Variants in KALRN observed in about 807,000 individuals in gnomAD.
KALRN encodes kalirin.
KALRN carries 70 observed loss-of-function variants against 353.7 expected under a neutral mutation model. That is an observed-to-expected ratio of 0.20 (90% CI 0.16 to 0.24). KALRN has a LOEUF of 0.24. Among genes scored for constraint, KALRN ranks in the 10% least tolerant of loss-of-function variants. The pLI is 1.00. For missense variants in KALRN, 2,791 were observed against 3,756.7 expected, an observed-to-expected ratio of 0.74 and a Z score of 6.72; for synonymous variants, 1,391 against 1,434.8, an observed-to-expected ratio of 0.97 and a Z score of 0.69.
rs1049493983 is a variant in KALRN, at chr3:124,721,250, T to A, written c.*1780T>A. ...CCTCATCCCATCCAAGATTATAGATTGATAAATTAATGGAAAGTATAAGCA... is the reference window on the plus strand; with the variant it reads ...CCTCATCCCATCCAAGATTATAGATAGATAAATTAATGGAAAGTATAAGCA... On this transcript the variant is annotated 3_prime_UTR_variant, in exon 60 of 60. Coordinates refer to ENST00000682506, the MANE Select transcript of KALRN (RefSeq NM_001388419.1). 1.3e-5 allele frequency: 2 copies of A among 152,164 alleles called. No homozygotes were observed. 9.4% of individuals were successfully genotyped at this position (152,164 alleles called of 1,614,324 possible). A position where few individuals can be genotyped will look rare whatever the true frequency, so the allele number is the denominator to read the frequency against.
At chr3:124,275,992 T>A (rs187420568) in intron 5 of KALRN, among the ~76,000 whole-genome samples, 37 of 152,308 alleles carry the variant, frequency 2.4e-4, no homozygotes, top group Non-Finnish European at 4.4e-5. Flanking sequence ...AAAGTGATTC[T>A]TCCTGGTGTC....
chr3:124,410,240 T>C (rs757900165), intron 13 of KALRN: 1 of 533,370 alleles, frequency 1.9e-6, no homozygotes, highest in Non-Finnish European at 3.8e-6. Flanking sequence ...CATAGATTCC[T>C]GGCTATGGGA....
chr3:124,174,761 A>AT (rs1172246683), intron 1 of KALRN, among the ~76,000 whole-genome samples: 1 of 152,228 alleles, frequency 6.6e-6, no homozygotes, highest in Admixed American at 6.5e-5. Flanking sequence ...AATGGAGCAT[A>AT]TCCAGAGAAG....
chr3:124,716,210 C>G (rs2063125997), intron 58 of KALRN, among the ~76,000 whole-genome samples: 1 of 152,054 alleles, frequency 6.6e-6, no homozygotes, highest in Non-Finnish European at 1.5e-5. Context: ...GAAAAGTTGC[C>G]CAGAAGGCAA....
At chr3:124,267,059 G>C (rs1170870379) in intron 4 of KALRN, among the ~76,000 whole-genome samples, 1 of 152,118 alleles carries the variant, frequency 6.6e-6, no homozygotes, top group Non-Finnish European at 1.5e-5. Flanking sequence ...AGATAGCTGG[G>C]GGCCTCCCAA....
chr3:124,645,571 T>G (rs1413870819), intron 37 of KALRN, among the ~76,000 whole-genome samples: 1 of 152,138 alleles, frequency 6.6e-6, no homozygotes, highest in East Asian at 1.9e-4. Context: ...CCCAACACCA[T>G]TTATTACATA....
chr3:124,550,359 A>C (rs2070329216), intron 33 of KALRN, among the ~76,000 whole-genome samples: 1 of 152,110 alleles, frequency 6.6e-6, no homozygotes. Flanking sequence ...CTGGGCCCCG[A>C]TGCTACCTAG....
intron 1 of KALRN, among the ~76,000 whole-genome samples, chr3:124,223,153 G>A (rs2078104140): frequency 6.6e-6 from 1 of 151,544 alleles, no homozygotes; most frequent in African/African-American, 2.4e-5. Flanking sequence ...CTGCTTGGAA[G>A]CCCCCTTGGA....
chr3:124,393,229 G>T (rs1378760511), intron 11 of KALRN, among the ~76,000 whole-genome samples: 1 of 152,192 alleles, frequency 6.6e-6, no homozygotes, highest in Non-Finnish European at 1.5e-5. Flanking sequence ...GCCTCCCAAA[G>T]TGTTGGGATT....
Position 124,671,670 on chromosome 3 carries a change from G to T in KALRN, c.6714G>T (p.Ser2238=), listed in dbSNP as rs369107575. 1.2e-6 allele frequency: 2 copies of T among 1,611,244 alleles called. No individual in the cohort carries two copies. Among genetic ancestry groups the T allele is most frequent in the Admixed American group, 1.7e-5 (1 of 59,990 alleles). ...GCTCTTATCCCACAGCACTGCAATCGCCCATTGAGTATCAACGGAAAGAAA... is the reference window on the plus strand; with the variant it reads ...GCTCTTATCCCACAGCACTGCAATCTCCCATTGAGTATCAACGGAAAGAAA... ...TQRDFLNALQ[S]PIEYQRKERS... is the part of the protein sequence containing the mutation. Residue 2238 remains serine (S), a synonymous_variant, in exon 48 of 60, where the codon TCG becomes TCT. Coordinates refer to ENST00000682506, the MANE Select transcript of KALRN (RefSeq NM_001388419.1).
At chr3:124,611,989 T>C (rs2078031435) in intron 34 of KALRN, among the ~76,000 whole-genome samples, 1 of 152,172 alleles carries the variant, frequency 6.6e-6, no homozygotes, top group Admixed American at 6.5e-5. Flanking sequence ...TCTGAAGAAG[T>C]CCTCAGGCCC....
At chr3:124,610,860 A>C (rs2077873398) in intron 34 of KALRN, among the ~76,000 whole-genome samples, 1 of 152,038 alleles carries the variant, frequency 6.6e-6, no homozygotes, top group African/African-American at 2.4e-5. Flanking sequence ...AAAAAAGAAA[A>C]GAAAAGAAGA....
intron 34 of KALRN, among the ~76,000 whole-genome samples, chr3:124,592,309 C>CAAAAAAAAAAAAAA (rs10575664): frequency 5.0e-5 from 6 of 120,648 alleles, no homozygotes; most frequent in Non-Finnish European, 6.9e-5. Context: ...CTCAAAGAAA[C>CAAAAAAAAAAAAAA]AAAAAAAAAA....
intron 33 of KALRN, among the ~76,000 whole-genome samples, chr3:124,508,031 A>G (rs1443779306): frequency 6.6e-6 from 1 of 152,212 alleles, no homozygotes; most frequent in Non-Finnish European, 1.5e-5. Context: ...TATATTACCT[A>G]ACTGAAAGTT....
chr3:124,456,936 A>G (rs2059364845), intron 23 of KALRN, among the ~76,000 whole-genome samples: 1 of 152,174 alleles, frequency 6.6e-6, no homozygotes, highest in Admixed American at 6.5e-5. Context: ...TTCTCTTTAC[A>G]TTTCAGTAAC....
chr3:124,368,529 C>T (rs1356929471), intron 10 of KALRN, among the ~76,000 whole-genome samples: 1 of 150,592 alleles, frequency 6.6e-6, no homozygotes, highest in Admixed American at 6.6e-5. Context: ...GCACTCCTCA[C>T]TTCCTAGATG....
chr3:124,279,279 A>G (rs1238665989), intron 5 of KALRN, among the ~76,000 whole-genome samples: 1 of 152,230 alleles, frequency 6.6e-6, no homozygotes, highest in East Asian at 1.9e-4. Context: ...TAAAATATAG[A>G]TTTTAATACC....
At chr3:124,282,047 T>C (rs1374657247) in intron 5 of KALRN, among the ~76,000 whole-genome samples, 1 of 152,148 alleles carries the variant, frequency 6.6e-6, no homozygotes, top group Non-Finnish European at 1.5e-5. Context: ...CTGGTCCTTT[T>C]ATACTAATCC....
At chr3:124,373,299 A>G (rs1284957888) in intron 10 of KALRN, among the ~76,000 whole-genome samples, 1 of 152,080 alleles carries the variant, frequency 6.6e-6, no homozygotes, top group East Asian at 1.9e-4. Flanking sequence ...CTTCTACCCC[A>G]CCTGGACATC....
Sources: gnomAD v4.1 joint callset for allele counts (sites outside exome capture counted in the v4.1 genomes callset) on GRCh38, gnomAD v4.1.1 for gene constraint, MANE v1.5 for transcripts, NCBI Gene and HGNC (gene_info 2026-07-23, HGNC 2026-07-21) for gene names.